MDGA2: variants seen among roughly 807,000 people sequenced by gnomAD.
MDGA2 encodes the protein MAM domain containing glycosylphosphatidylinositol anchor 2.
MDGA2 carries 40 observed loss-of-function variants against 117.8 expected under a neutral mutation model. The ratio of observed to expected loss-of-function variants is 0.34; its 90% CI spans 0.26 to 0.44. The LOEUF (loss-of-function observed/expected upper bound fraction) is 0.44, where lower values mean the gene tolerates loss of function less well. Among genes scored for constraint, MDGA2 ranks in the 20% least tolerant of loss-of-function variants. MDGA2 has a pLI of 1.00. For missense variants in MDGA2, 1,123 were observed against 1,250.6 expected (o/e 0.90, Z 1.54); for synonymous variants, 452 against 439.0 (o/e 1.03, Z -0.37).
At chr14:47,225,424 A>G (rs1284965223) in intron 2 of MDGA2, among the ~76,000 whole-genome samples, 2 of 152,038 alleles carry the variant, frequency 1.3e-5, no homozygotes, top group Non-Finnish European at 2.9e-5. Context: ...ATGTCCAACA[A>G]TGATAGACTG....
intron 1 of MDGA2, among the ~76,000 whole-genome samples, chr14:47,569,858 G>T (rs1249759506): frequency 6.6e-6 from 1 of 152,048 alleles, no homozygotes; most frequent in Non-Finnish European, 1.5e-5. Flanking sequence ...TTTCAAAAAG[G>T]TCACTTTTAA....
At chr14:47,200,907 G>C in intron 3 of MDGA2, 4 of 844,852 alleles carry the variant, frequency 4.7e-6, no homozygotes, top group South Asian at 1.3e-5. Context: ...GCCTGGCCTC[G>C]CTTGGTCTTG....
Position 47,221,920 on chromosome 14 carries a change from T to C in MDGA2, c.421-3725A>G, listed in dbSNP as rs542319853. 2.3e-4 allele frequency among the ~76,000 whole-genome samples: 35 copies of C among 152,186 alleles called. 1 individual carries two copies. The South Asian group carries it at 5.6e-3, about 24-fold the overall frequency. ...TTGTGGAATGATTAAATCAAGCCCA[T>C]TGACAATTTCATCTCCTCGAATTTT... On this transcript the variant is annotated intron_variant, in intron 2 of 16. Transcript: ENST00000399232.
chr14:47,382,102 G>T (rs953261964), intron 1 of MDGA2, among the ~76,000 whole-genome samples: 1 of 152,194 alleles, frequency 6.6e-6, no homozygotes, highest in Non-Finnish European at 1.5e-5. Flanking sequence ...AAGGAATGGG[G>T]AAAGGATTCC....
chr14:47,631,098 C>T (rs1897243884), intron 1 of MDGA2, among the ~76,000 whole-genome samples: 1 of 152,200 alleles, frequency 6.6e-6, no homozygotes, highest in African/African-American at 2.4e-5. Flanking sequence ...ACCTGGAAGG[C>T]TTTTGCAGTA....
chr14:47,310,118 T>G (rs1464465874), intron 1 of MDGA2, among the ~76,000 whole-genome samples: 1 of 152,168 alleles, frequency 6.6e-6, no homozygotes, highest in African/African-American at 2.4e-5. Flanking sequence ...CATGAAGATT[T>G]ACACATTGGC....
chr14:47,450,153 G>T (rs556675858), intron 1 of MDGA2, among the ~76,000 whole-genome samples: 1 of 151,746 alleles, frequency 6.6e-6, no homozygotes, highest in Non-Finnish European at 1.5e-5. Context: ...TTTTAGTACA[G>T]ATAGCTTTTT....
At chr14:47,588,231 TAGATAG>T (rs1328764051) in intron 1 of MDGA2, among the ~76,000 whole-genome samples, 1,535 of 95,552 alleles carry the variant, frequency 0.016, 30 homozygotes, top group Middle Eastern at 0.04. Context: ...CTCTTGGAGA[TAGATAG>T]ATATATATAT....
intron 1 of MDGA2, among the ~76,000 whole-genome samples, chr14:47,627,478 G>C (rs1050644659): frequency 6.6e-6 from 1 of 152,204 alleles, no homozygotes; most frequent in Admixed American, 6.5e-5. Context: ...CGCACTCTGT[G>C]TCTAGCTCAG....
At chr14:47,180,611 C>G (rs973684337) in intron 3 of MDGA2, among the ~76,000 whole-genome samples, 1 of 152,022 alleles carries the variant, frequency 6.6e-6, no homozygotes, top group African/African-American at 2.4e-5. Flanking sequence ...AAATGCAAAT[C>G]AAAATTACAA....
intron 1 of MDGA2, among the ~76,000 whole-genome samples, chr14:47,327,077 T>A (rs1890165871): frequency 6.6e-6 from 1 of 152,160 alleles, no homozygotes; most frequent in East Asian, 1.9e-4. Context: ...GAAGTCTGGA[T>A]CTGCCCAGAC....
chr14:47,245,490 G>T (rs561212315), intron 2 of MDGA2, among the ~76,000 whole-genome samples: 2 of 151,758 alleles, frequency 1.3e-5, no homozygotes, highest in South Asian at 4.2e-4. Flanking sequence ...CCTACCCACT[G>T]GGTTCTTCAA....
intron 10 of MDGA2, among the ~76,000 whole-genome samples, chr14:46,909,457 T>C (rs570987011): frequency 2.6e-5 from 4 of 152,142 alleles, no homozygotes; most frequent in Non-Finnish European, 5.9e-5. Flanking sequence ...AAGCACCGTA[T>C]GTCCCTTTCA....
chr14:46,964,061 T>C (rs1885918750), intron 8 of MDGA2, among the ~76,000 whole-genome samples: 1 of 152,162 alleles, frequency 6.6e-6, no homozygotes, highest in Admixed American at 6.6e-5. Context: ...CACAAGTGTC[T>C]GGCAGTTCCA....
intron 7 of MDGA2, among the ~76,000 whole-genome samples, chr14:47,040,555 T>C (rs1889027582): frequency 6.6e-6 from 1 of 152,156 alleles, no homozygotes; most frequent in African/African-American, 2.4e-5. Context: ...AATCACTAAC[T>C]CCTGTTAACA....
rs1017094997 is a variant in MDGA2, at chr14:47,242,823, A to G, written c.421-24628T>C. On this transcript the variant is annotated intron_variant, in intron 2 of 16. Transcript: ENST00000399232. ...CCATCGACCACCCAAGGGCTGAGGAATGCTAGCGCAGGGCACAGGACTGGC... is the reference window on the plus strand; with the variant it reads ...CCATCGACCACCCAAGGGCTGAGGAGTGCTAGCGCAGGGCACAGGACTGGC... Among the ~76,000 whole-genome samples the G allele has an allele frequency of 1.2e-4, 18 of 151,920 alleles. No individual in the cohort carries two copies. The East Asian group carries it at 2.5e-3, about 21-fold the overall frequency.
intron 1 of MDGA2, among the ~76,000 whole-genome samples, chr14:47,608,408 T>C (rs1350486327): frequency 2.0e-5 from 3 of 152,130 alleles, no homozygotes; most frequent in Non-Finnish European, 4.4e-5. Context: ...GCAAAAATAT[T>C]TGAGAGCATA....
intron 8 of MDGA2, among the ~76,000 whole-genome samples, chr14:46,982,926 T>G (rs1886736065): frequency 6.6e-6 from 1 of 152,000 alleles, no homozygotes; most frequent in Non-Finnish European, 1.5e-5. Context: ...CCATTCAGTA[T>G]GATATTGGCT....
At chr14:47,056,605 G>A (rs181036229) in intron 7 of MDGA2, among the ~76,000 whole-genome samples, 3 of 151,878 alleles carry the variant, frequency 2.0e-5, no homozygotes, top group Admixed American at 6.6e-5. Context: ...TTAGGTTTTC[G>A]AGGCATGATG....
Sources: gnomAD v4.1 joint callset for allele counts (sites outside exome capture counted in the v4.1 genomes callset) on GRCh38, gnomAD v4.1.1 for gene constraint, MANE v1.5 for transcripts, NCBI Gene and HGNC (gene_info 2026-07-23, HGNC 2026-07-21) for gene names.